RBFOX1: variants seen among roughly 807,000 people sequenced by gnomAD.
RBFOX1 encodes the protein RNA binding protein fox-1 homolog 1.
In RBFOX1, 8 loss-of-function variants were observed where a neutral mutation model predicts 57.7. That is an observed-to-expected ratio of 0.14 (90% CI 0.08 to 0.25). The LOEUF is 0.25. Among genes scored for constraint, RBFOX1 ranks in the 10% least tolerant of loss-of-function variants. The probability of loss-of-function intolerance (pLI) is 1.00; values close to 1 mark genes in which losing one functional copy is unlikely to be tolerated. For synonymous variants in RBFOX1, 326 were observed against 222.4 expected (o/e 1.47, Z -4.15); for missense variants, 611 against 548.5 (o/e 1.11, Z -1.14).
chr16:6,245,918 A>T lies in RBFOX1; in HGVS notation c.-126-71077A>T, dbSNP rs376888231. On this transcript the variant is annotated intron_variant, in intron 1 of 15. Coordinates refer to ENST00000550418, the MANE Select transcript of RBFOX1 (RefSeq NM_018723.4). ...TTCTCATGTCCTTATTCATAGCTTT[A>T]AGCTCTCTTAAGCCTACTCAAACTA... 9.1e-4 allele frequency among the ~76,000 whole-genome samples: 139 copies of T among 152,308 alleles called. 1 individual carries two copies. Among genetic ancestry groups the T allele is most frequent in the Middle Eastern group, 3.4e-3 (1 of 294 alleles).
chr16:7,611,153 C>G (rs929521600), intron 10 of RBFOX1, among the ~76,000 whole-genome samples: 1 of 152,178 alleles, frequency 6.6e-6, no homozygotes. Context: ...AACCCAGCCT[C>G]CCGTTGTCTC....
At chr16:6,480,071 A>G (rs1332360703) in intron 2 of RBFOX1, among the ~76,000 whole-genome samples, 1 of 146,268 alleles carries the variant, frequency 6.8e-6, no homozygotes, top group African/African-American at 2.6e-5. Flanking sequence ...AAAAAAAATC[A>G]CTGGTCTAGA....
chr16:6,283,661 C>T (rs576545601), intron 1 of RBFOX1, among the ~76,000 whole-genome samples: 15 of 152,254 alleles, frequency 9.9e-5, no homozygotes, highest in Admixed American at 3.3e-4. Flanking sequence ...CCCTACGTGC[C>T]GTTAGTATAG....
chr16:6,220,731 C>CCACA (rs5815293), intron 1 of RBFOX1, among the ~76,000 whole-genome samples: 1 of 151,320 alleles, frequency 6.6e-6, no homozygotes, highest in Non-Finnish European at 1.5e-5. Flanking sequence ...CGCCCCCCCC[C>CCACA]AGTGGAAAAT....
intron 4 of RBFOX1, among the ~76,000 whole-genome samples, chr16:7,256,271 G>A (rs1476570646): frequency 6.6e-6 from 1 of 152,138 alleles, no homozygotes; most frequent in Non-Finnish European, 1.5e-5. Flanking sequence ...AGGCCTCTGG[G>A]GTTCTGATGA....
At chr16:7,303,095 C>A (rs1283379927) in intron 4 of RBFOX1, among the ~76,000 whole-genome samples, 1 of 152,216 alleles carries the variant, frequency 6.6e-6, no homozygotes, top group African/African-American at 2.4e-5. Flanking sequence ...TTCCAGTCGC[C>A]CCGAGCTGGC....
intron 3 of RBFOX1, among the ~76,000 whole-genome samples, chr16:5,779,022 C>G (rs4302033): frequency 0.28 from 41,920 of 152,052 alleles, 6,244 homozygotes; most frequent in East Asian, 0.56. Context: ...TCATTGATTT[C>G]TGGGATGAAC....
intron 3 of RBFOX1, among the ~76,000 whole-genome samples, chr16:6,859,181 A>ATG: frequency 1.2e-5 from 1 of 83,642 alleles, no homozygotes; most frequent in East Asian, 4.0e-4. Context: ...ATATGTATAT[A>ATG]TATGTATATA....
chr16:5,864,899 C>G (rs1219772833), intron 3 of RBFOX1, among the ~76,000 whole-genome samples: 1 of 152,202 alleles, frequency 6.6e-6, no homozygotes, highest in East Asian at 1.9e-4. Context: ...AATATTCAAA[C>G]CCTGTACTTT....
intron 4 of RBFOX1, among the ~76,000 whole-genome samples, chr16:7,240,053 G>C (rs1221410582): frequency 1.3e-5 from 2 of 152,082 alleles, no homozygotes; most frequent in African/African-American, 4.8e-5. Flanking sequence ...TAGAACATTT[G>C]TCTCCTGAGT....
intron 4 of RBFOX1, among the ~76,000 whole-genome samples, chr16:5,959,914 C>A (rs1246304634): frequency 6.6e-6 from 1 of 152,142 alleles, no homozygotes; most frequent in Non-Finnish European, 1.5e-5. Flanking sequence ...ATAAGAGGAA[C>A]CCTAGGCTGG....
chr16:6,492,154 T>C (rs1217712182), intron 2 of RBFOX1, among the ~76,000 whole-genome samples: 1 of 152,100 alleles, frequency 6.6e-6, no homozygotes, highest in Non-Finnish European at 1.5e-5. Context: ...AAGTTTCCCT[T>C]GTATATGTGA....
At chr16:7,543,077 C>G (rs1006956038) in intron 5 of RBFOX1, among the ~76,000 whole-genome samples, 1 of 152,108 alleles carries the variant, frequency 6.6e-6, no homozygotes, top group African/African-American at 2.4e-5. Flanking sequence ...GTTAGGTGGA[C>G]CAAGCATGGT....
chr16:6,233,721 G>T lies in RBFOX1; in HGVS notation c.-126-83274G>T, dbSNP rs2097483549. Among the ~76,000 whole-genome samples, 5 of 152,014 alleles carry T rather than the reference G, an allele frequency of 3.3e-5. No individual in the cohort carries two copies. The South Asian group carries it at 1.0e-3, about 32-fold the overall frequency. On this transcript the variant is annotated intron_variant, in intron 1 of 15. Transcript: ENST00000550418. ...CCTCCTGGCCTCAAGTGATCCTCCT[G>T]CCTCAGCCTCCCAAAGTGCTGGGAT...
chr16:7,375,477 C>T (rs2147626014), intron 4 of RBFOX1, among the ~76,000 whole-genome samples: 1 of 151,808 alleles, frequency 6.6e-6, no homozygotes, highest in African/African-American at 2.4e-5. Flanking sequence ...CATTGGGCTC[C>T]CATGTGTTAC....
rs1395805356 is a variant in RBFOX1 at position 5,479,970 on chromosome 16, C to T, written c.258+12716C>T. On this transcript the variant is annotated intron_variant, in intron 2 of 2. Coordinates refer to the RBFOX1 transcript ENST00000585867. ...TCTTTCTCCCCACCCTCCAGCCCAG[C>T]CCACAGGAGGTCAAGAGCTTGGCCT... Among the ~76,000 whole-genome samples the T allele has an allele frequency of 2.0e-5, 3 of 152,230 alleles. No homozygotes were observed. In the East Asian group the frequency reaches 5.8e-4, roughly 29 times the overall value.
chr16:7,106,597 G>T (rs1229459325), intron 4 of RBFOX1, among the ~76,000 whole-genome samples: 1 of 151,904 alleles, frequency 6.6e-6, no homozygotes, highest in African/African-American at 2.4e-5. Context: ...TTAGATATCT[G>T]TCTATCTCAA....
In RBFOX1 at chr16:6,213,290, G is replaced by A. The variant is rs114485772; in HGVS notation, c.-126-103705G>A. Among the ~76,000 whole-genome samples, 170 of 152,186 alleles carry A rather than the reference G, an allele frequency of 1.1e-3. 2 individuals are homozygous for A. The highest frequency in any genetic ancestry group is 3.6e-3 in the African/African-American group (151 of 41,528). On this transcript the variant is annotated intron_variant, in intron 1 of 15. Transcript: ENST00000550418. ...AGGTGGCTTTGTCATAGGCTGTCAT[G>A]CTTCATTGAGGTATCAGCTCAGCTG... is the stretch of plus-strand genomic sequence containing the variant.
intron 3 of RBFOX1, among the ~76,000 whole-genome samples, chr16:6,660,565 C>A (rs1398123793): frequency 1.3e-5 from 2 of 152,138 alleles, no homozygotes; most frequent in African/African-American, 4.8e-5. Flanking sequence ...GTCTGGGTTT[C>A]AATCCCAGCC....
Sources: gnomAD v4.1 joint callset for allele counts (sites outside exome capture counted in the v4.1 genomes callset) on GRCh38, gnomAD v4.1.1 for gene constraint, MANE v1.5 for transcripts, NCBI Gene and HGNC (gene_info 2026-07-23, HGNC 2026-07-21) for gene names.